The following TBL1XR1 variants were observed in gnomAD, a reference collection of about 807,000 sequenced individuals.
The protein encoded by TBL1XR1 is TBL1X/Y related 1.
Under a neutral mutation model 66.9 loss-of-function variants are expected in TBL1XR1, and 5 were observed. That is an observed-to-expected ratio of 0.07 (90% CI 0.04 to 0.16). The LOEUF is 0.16. Among genes scored for constraint, TBL1XR1 ranks in the 10% least tolerant of loss-of-function variants. TBL1XR1 has a pLI of 1.00. For synonymous variants in TBL1XR1, 210 were observed against 206.0 expected (o/e 1.02, Z -0.17); for missense variants, 238 against 623.2 (o/e 0.38, Z 6.58).
At chr3:177,152,836 T>TA (rs1469558786) in intron 1 of TBL1XR1, among the ~76,000 whole-genome samples, 4 of 152,184 alleles carry the variant, frequency 2.6e-5, no homozygotes, top group Admixed American at 1.3e-4. Flanking sequence ...ACACCTTTCC[T>TA]AAAAGCCTGC....
At chr3:177,194,290 C>G (rs1417132745) in intron 1 of TBL1XR1, among the ~76,000 whole-genome samples, 1 of 152,190 alleles carries the variant, frequency 6.6e-6, no homozygotes. Flanking sequence ...CTCGTGTTAG[C>G]TGCTTTCCTT....
chr3:177,025,765 T>A (rs1373747998), intron 15 of TBL1XR1, among the ~76,000 whole-genome samples: 1 of 152,076 alleles, frequency 6.6e-6, no homozygotes, highest in Non-Finnish European at 1.5e-5. Context: ...ATTTTTATAC[T>A]CTCTGTTGAT....
At chr3:177,184,814 AAT>A (rs936157414) in intron 1 of TBL1XR1, among the ~76,000 whole-genome samples, 5 of 152,178 alleles carry the variant, frequency 3.3e-5, no homozygotes, top group South Asian at 2.1e-4. Context: ...AAAAAAAAAA[AAT>A]CATCACTGAT....
intron 1 of TBL1XR1, among the ~76,000 whole-genome samples, chr3:177,178,445 G>GA (rs566067179): frequency 3.7e-4 from 55 of 146,768 alleles, no homozygotes; most frequent in Admixed American, 9.4e-4. Flanking sequence ...CACTTTATGA[G>GA]AAAAAAAAAG....
rs1721567778 is a variant in TBL1XR1 at position 177,082,738 on chromosome 3, T to TTATATATATATATGTATATATATA, written c.-46+15727_-46+15728insTATATATATACATATATATATATA. On this transcript the variant is annotated intron_variant, in intron 2 of 15. Coordinates refer to ENST00000457928, the MANE Select transcript of TBL1XR1 (RefSeq NM_024665.7). ...TATTACTAAATTTCTAAGATAGAGA[T>TTATATATATATATGTATATATATA]TATATATATATATATATATATATAT... Among the ~76,000 whole-genome samples the TTATATATATATATGTATATATATA allele has an allele frequency of 6.3e-5, 4 of 63,234 alleles. 1 individual carries two copies. The highest frequency in any genetic ancestry group is 2.5e-4 in the African/African-American group (4 of 15,730). The allele number at this position is 63,234 out of a possible 152,430, so 41.5% of individuals were successfully genotyped here.
chr3:177,177,981 G>A (rs1734356956), intron 1 of TBL1XR1, among the ~76,000 whole-genome samples: 1 of 152,226 alleles, frequency 6.6e-6, no homozygotes, highest in African/African-American at 2.4e-5. Context: ...TAATTTCAGT[G>A]TAACCTCTCT....
At chr3:177,087,329 C>G (rs1722268554) in intron 2 of TBL1XR1, among the ~76,000 whole-genome samples, 1 of 151,944 alleles carries the variant, frequency 6.6e-6, no homozygotes. Context: ...CCCTTAGGCT[C>G]TAAGTCACTT....
At chr3:177,192,398 C>CAAAAAAAAAAAA (rs759331999) in intron 1 of TBL1XR1, among the ~76,000 whole-genome samples, 1 of 83,510 alleles carries the variant, frequency 1.2e-5, no homozygotes, top group Admixed American at 1.3e-4. Flanking sequence ...GACTTTATCT[C>CAAAAAAAAAAAA]AAAAAAAAAA....
chr3:177,043,817 TCTC>T (rs1330843754), intron 10 of TBL1XR1, among the ~76,000 whole-genome samples: 1 of 152,222 alleles, frequency 6.6e-6, no homozygotes, highest in African/African-American at 2.4e-5. Context: ...TACATTTTCT[TCTC>T]CTTTGATGGG....
intron 1 of TBL1XR1, among the ~76,000 whole-genome samples, chr3:177,153,380 G>C (rs895464525): frequency 3.3e-5 from 5 of 152,120 alleles, no homozygotes; most frequent in African/African-American, 1.2e-4. Context: ...GCCCAAACTA[G>C]TAAATACGCA....
In TBL1XR1 at chr3:177,033,338, A is replaced by G. The variant is rs1576979942; in HGVS notation, c.1251-202T>C. Among the ~76,000 whole-genome samples, 4 of 152,324 alleles carry G rather than the reference A, an allele frequency of 2.6e-5. No homozygotes were observed. The South Asian group carries it at 8.3e-4, about 32-fold the overall frequency. ...AATAAATAAATGAAATTTAGAAAGA[A>G]GAGCAAGTGTTCTAGAAATTAAAAG... is the stretch of plus-strand genomic sequence containing the variant. On this transcript the variant is annotated intron_variant, in intron 13 of 15. Coordinates refer to ENST00000457928, the MANE Select transcript of TBL1XR1 (RefSeq NM_024665.7).
chr3:177,111,435 G>A (rs1725551268), intron 1 of TBL1XR1, among the ~76,000 whole-genome samples: 1 of 152,056 alleles, frequency 6.6e-6, no homozygotes, highest in African/African-American at 2.4e-5. Flanking sequence ...ACCATGCCAG[G>A]CTAATTTGGG....
chr3:177,121,744 T>A (rs1727000095), intron 1 of TBL1XR1, among the ~76,000 whole-genome samples: 1 of 152,188 alleles, frequency 6.6e-6, no homozygotes, highest in Admixed American at 6.5e-5. Context: ...CCATCGAGGC[T>A]GTTCCTTGTG....
chr3:177,176,360 C>T (rs1238091757), intron 1 of TBL1XR1, among the ~76,000 whole-genome samples: 1 of 151,310 alleles, frequency 6.6e-6, no homozygotes, highest in Admixed American at 6.6e-5. Context: ...CCATGCCTGG[C>T]TAATTTTTGT....
At chr3:177,119,546 CTT>C (rs1371427724) in intron 1 of TBL1XR1, among the ~76,000 whole-genome samples, 1 of 152,144 alleles carries the variant, frequency 6.6e-6, no homozygotes, top group African/African-American at 2.4e-5. Context: ...CATATACTGT[CTT>C]TGTTTCTTAA....
intron 1 of TBL1XR1, among the ~76,000 whole-genome samples, chr3:177,163,337 T>C (rs1732445468): frequency 6.6e-6 from 1 of 151,952 alleles, no homozygotes; most frequent in East Asian, 1.9e-4. Flanking sequence ...GGAAACCCCG[T>C]CTCTACTCAA....
chr3:177,175,830 G>A lies in TBL1XR1; in HGVS notation c.-122+21291C>T, dbSNP rs148402660. ...TCCTAGCACTTTGGGAGGCCGAGGC[G>A]TGCGGATCTCGAGGTCAGGAGATCG... On this transcript the variant is annotated intron_variant, in intron 1 of 15. Coordinates refer to ENST00000457928, the MANE Select transcript of TBL1XR1 (RefSeq NM_024665.7). 7.0e-3 allele frequency among the ~76,000 whole-genome samples: 1,069 copies of A among 152,146 alleles called. 9 individuals carry two copies. Among genetic ancestry groups the A allele is most frequent in the Non-Finnish European group, 0.011 (721 of 68,010 alleles).
intron 1 of TBL1XR1, among the ~76,000 whole-genome samples, chr3:177,188,884 T>C (rs1735769358): frequency 6.6e-6 from 1 of 152,238 alleles, no homozygotes; most frequent in East Asian, 1.9e-4. Context: ...TTCAAAATCA[T>C]GCTGAAAAGC....
rs1716487460 is a variant in TBL1XR1, at chr3:177,047,564, C to A, written c.703-15G>T. On this transcript the variant is annotated splice_polypyrimidine_tract_variant and intron_variant, in intron 7 of 15. Transcript: ENST00000457928. ...GTACCTTCACTCTGCCAGAGAAAAACATTTCTTTAATTATATAATCTAGAT... is the reference window on the plus strand; with the variant it reads ...GTACCTTCACTCTGCCAGAGAAAAAAATTTCTTTAATTATATAATCTAGAT... 1 of 1,609,528 alleles carries A rather than the reference C, an allele frequency of 6.2e-7. No homozygotes were observed. The highest frequency in any genetic ancestry group is 1.3e-5 in the African/African-American group (1 of 74,756).
Sources: allele counts gnomAD v4.1 joint callset (sites outside exome capture counted in the v4.1 genomes callset), GRCh38; gene constraint gnomAD v4.1.1; transcripts MANE v1.5; gene names NCBI Gene and HGNC (gene_info 2026-07-23, HGNC 2026-07-21).